The following CGNL1 variants were observed in gnomAD, a reference collection of about 807,000 sequenced individuals.
The protein encoded by CGNL1 is cingulin-like protein 1.
In CGNL1, 132 loss-of-function variants were observed where a neutral mutation model predicts 141.2. The ratio of observed to expected loss-of-function variants is 0.93; its 90% CI spans 0.81 to 1.08. The LOEUF (loss-of-function observed/expected upper bound fraction) is 1.08, where lower values mean the gene tolerates loss of function less well. CGNL1 is among the 50% of genes least tolerant of loss of function. The pLI, the probability that CGNL1 is intolerant of heterozygous loss-of-function variation, is 0.00. For synonymous variants in CGNL1, 690 were observed against 622.1 expected, an observed-to-expected ratio of 1.11 and a Z score of -1.63; for missense variants, 1,870 against 1,588.6, an observed-to-expected ratio of 1.18 and a Z score of -3.01.
intron 1 of CGNL1, among the ~76,000 whole-genome samples, chr15:57,401,026 T>C (rs1451682304): frequency 6.6e-6 from 1 of 152,114 alleles, no homozygotes; most frequent in Non-Finnish European, 1.5e-5. Flanking sequence ...AATTTTTTTT[T>C]AGATTTTTCT....
intron 14 of CGNL1, among the ~76,000 whole-genome samples, chr15:57,535,583 G>C (rs1272124968): frequency 6.6e-6 from 1 of 152,218 alleles, no homozygotes; most frequent in Non-Finnish European, 1.5e-5. Context: ...ACAGCATTTT[G>C]AGGAGCAATG....
At chr15:57,397,513 G>A (rs1276787879) in intron 1 of CGNL1, among the ~76,000 whole-genome samples, 19 of 151,930 alleles carry the variant, frequency 1.3e-4, no homozygotes, top group African/African-American at 3.6e-4. Flanking sequence ...TGTACATTTT[G>A]TAAATTAATT....
intron 14 of CGNL1, among the ~76,000 whole-genome samples, chr15:57,542,570 C>A (rs1453714465): frequency 4.6e-5 from 7 of 152,194 alleles, no homozygotes; most frequent in African/African-American, 1.4e-4. Context: ...GAGTGTTCAG[C>A]CTTTGTCAGG....
At chr15:57,493,074 A>G (rs1438637133) in intron 8 of CGNL1, among the ~76,000 whole-genome samples, 5 of 152,202 alleles carry the variant, frequency 3.3e-5, no homozygotes, top group African/African-American at 1.2e-4. Context: ...GTTTGATACC[A>G]GGAGTTAATA....
At chr15:57,410,682 G>T (rs11071314) in intron 1 of CGNL1, among the ~76,000 whole-genome samples, 110,799 of 152,116 alleles carry the variant, frequency 0.73, 40,521 homozygotes, top group African/African-American at 0.79. Context: ...CCACAATATC[G>T]GAGGCTATAT....
At chr15:57,415,046 C>T (rs1595679154) in intron 1 of CGNL1, among the ~76,000 whole-genome samples, 1 of 152,278 alleles carries the variant, frequency 6.6e-6, no homozygotes, top group South Asian at 2.1e-4. Flanking sequence ...CTTATGGAAC[C>T]CATGGCAGGA....
At chr15:57,456,517 T>A (rs549229804) in intron 7 of CGNL1, among the ~76,000 whole-genome samples, 22 of 144,412 alleles carry the variant, frequency 1.5e-4, no homozygotes, top group South Asian at 8.7e-4. Flanking sequence ...TAAAACAGTT[T>A]AAAAAAAAAA....
At chr15:57,446,003 A>G (rs544711408) in intron 4 of CGNL1, among the ~76,000 whole-genome samples, 1 of 152,332 alleles carries the variant, frequency 6.6e-6, no homozygotes, top group South Asian at 2.1e-4. Flanking sequence ...TTTAGCTAAC[A>G]TACACTTATT....
At chr15:57,432,564 A>G (rs2063057657) in intron 1 of CGNL1, among the ~76,000 whole-genome samples, 1 of 152,326 alleles carries the variant, frequency 6.6e-6, no homozygotes, top group African/African-American at 2.4e-5. Context: ...CATCCTGGCG[A>G]TTGATCAGCG....
At chr15:57,383,316 TAC>T (rs2062445767) in intron 1 of CGNL1, among the ~76,000 whole-genome samples, 1 of 151,460 alleles carries the variant, frequency 6.6e-6, no homozygotes, top group South Asian at 2.1e-4. Flanking sequence ...GTTTTTTTGA[TAC>T]AGAGTTGCCC....
At chr15:57,421,222 T>G (rs1459145192) in intron 1 of CGNL1, among the ~76,000 whole-genome samples, 1 of 152,248 alleles carries the variant, frequency 6.6e-6, no homozygotes, top group Admixed American at 6.5e-5. Context: ...GACTGGCACC[T>G]TGGTCTTGGA....
chr15:57,450,369 T>G lies in CGNL1; in HGVS notation c.1804-1131T>G, dbSNP rs557712778. Among the ~76,000 whole-genome samples the G allele has an allele frequency of 2.4e-3, 370 of 152,288 alleles. 2 individuals are homozygous for G. The highest frequency in any genetic ancestry group is 0.017 in the Middle Eastern group (5 of 294). ...TTGGCTCACTGCAACCTCCACTTCG[T>G]GGGTTCAAGCGATTCTTCTGCCTCA... On this transcript the variant is annotated intron_variant, in intron 4 of 18. Transcript: ENST00000281282.
chr15:57,496,403 G>A (rs140683162), intron 8 of CGNL1, among the ~76,000 whole-genome samples: 327 of 152,236 alleles, frequency 2.1e-3, no homozygotes, highest in African/African-American at 7.6e-3. Flanking sequence ...AAACCCTATT[G>A]TTAACTGTGC....
At chr15:57,513,253 GGTGTGTGTGTGTGTGT>G (rs369204678) in intron 8 of CGNL1, among the ~76,000 whole-genome samples, 12 of 134,000 alleles carry the variant, frequency 9.0e-5, no homozygotes, top group African/African-American at 2.8e-4. Flanking sequence ...TGTCAATATG[GGTGTGTGTGTGTGTGT>G]GTGTGTGTGT....
At chr15:57,484,925 GTT>G (rs1233858351) in intron 8 of CGNL1, among the ~76,000 whole-genome samples, 45 of 145,090 alleles carry the variant, frequency 3.1e-4, no homozygotes, top group African/African-American at 1.1e-3. Flanking sequence ...GTTTCATTGG[GTT>G]TTTTTTTTTC....
intron 1 of CGNL1, among the ~76,000 whole-genome samples, chr15:57,436,875 A>G (rs1438557233): frequency 6.6e-5 from 10 of 152,178 alleles, no homozygotes; most frequent in Non-Finnish European, 1.3e-4. Context: ...GATTTATCCT[A>G]CCCAAATTCT....
Position 57,486,289 on chromosome 15 carries a change from T to G in CGNL1, c.2403+24397T>G, listed in dbSNP as rs114164333. ...CTGTCAGAAAATGTTAACCAAACTT[T>G]AGGGCCACATGACTTTGTTTCTCTT... On this transcript the variant is annotated intron_variant, in intron 8 of 18. Transcript: ENST00000281282. 9.2e-3 allele frequency among the ~76,000 whole-genome samples: 1,408 copies of G among 152,262 alleles called. 22 individuals carry two copies. Among genetic ancestry groups the G allele is most frequent in the African/African-American group, 0.032 (1,338 of 41,546 alleles).
At chr15:57,522,789 T>G (rs1220821796) in intron 10 of CGNL1, among the ~76,000 whole-genome samples, 3 of 152,196 alleles carry the variant, frequency 2.0e-5, no homozygotes, top group African/African-American at 7.2e-5. Flanking sequence ...ATAGTTGTAT[T>G]TTATGGTAGG....
intron 1 of CGNL1, among the ~76,000 whole-genome samples, chr15:57,403,690 A>G (rs1187609184): frequency 6.6e-6 from 1 of 152,248 alleles, no homozygotes; most frequent in African/African-American, 2.4e-5. Flanking sequence ...GAAAGGCAAC[A>G]TCTGGCTGGC....
Sources: allele counts gnomAD v4.1 joint callset (sites outside exome capture counted in the v4.1 genomes callset), GRCh38; gene constraint gnomAD v4.1.1; transcripts MANE v1.5; gene names NCBI Gene and HGNC (gene_info 2026-07-23, HGNC 2026-07-21).